Variants in HSP90AA1 observed in about 807,000 individuals in gnomAD.
The protein encoded by HSP90AA1 is heat shock protein 90 alpha family class A member 1, also known as heat shock protein HSP 90-alpha.
In HSP90AA1, 18 loss-of-function variants were observed where a neutral mutation model predicts 73.3. The ratio of observed to expected loss-of-function variants is 0.25; its 90% CI spans 0.17 to 0.36. The LOEUF (loss-of-function observed/expected upper bound fraction) is 0.36, where lower values mean the gene tolerates loss of function less well. Ranked by LOEUF, HSP90AA1 falls within the 10% of genes least tolerant of loss-of-function variation. The pLI is 1.00. For synonymous variants in HSP90AA1, 477 were observed against 296.9 expected (o/e 1.61, Z -6.24); for missense variants, 704 against 874.2 (o/e 0.81, Z 2.45).
upstream of HSP90AA1, chr14:102,087,247 G>A: frequency 2.5e-6 from 2 of 811,162 alleles, no homozygotes; most frequent in Non-Finnish European, 3.0e-6. Context: ...GCCCGGCCCG[G>A]GCAACCTTCC....
chr14:102,103,574 G>A (rs554131391), intron 1 of HSP90AA1, among the ~76,000 whole-genome samples: 2 of 151,618 alleles, frequency 1.3e-5, no homozygotes, highest in African/African-American at 2.4e-5. Flanking sequence ...GAGGCCGAGG[G>A]GGGTGGATCA....
intron 1 of HSP90AA1, among the ~76,000 whole-genome samples, chr14:102,116,628 C>T (rs972968236): frequency 8.5e-5 from 13 of 152,226 alleles, no homozygotes; most frequent in African/African-American, 3.1e-4. Flanking sequence ...CTCTAGCCTA[C>T]TGCCACTGCG....
intron 1 of HSP90AA1, among the ~76,000 whole-genome samples, chr14:102,109,402 G>A (rs117351884): frequency 8.5e-5 from 13 of 152,234 alleles, no homozygotes; most frequent in South Asian, 2.1e-4. Context: ...GGAGGTAACC[G>A]AATCATGGAG....
chr14:102,085,405 C>G lies in HSP90AA1; in HGVS notation c.556G>C (p.Val186Leu). ...TGEPMGRGTKVILHLKEDQTE... is the reference protein window; with the variant it reads ...TGEPMGRGTKLILHLKEDQTE... The stretch of plus-strand genomic sequence containing the variant: ...TGGTCTTCTTTCAGGTGTAGGATAA[C>G]TTTTGTTCCACGACCCATAGGTTCA... The change falls in exon 4 of 11, where the codon GTT (valine) becomes CTT (leucine). Residue 186 changes from valine (V) to leucine (L), a missense_variant. Coordinates refer to ENST00000216281, the MANE Select transcript of HSP90AA1 (RefSeq NM_005348.4). 6.2e-7 allele frequency: 1 copy of G among 1,613,742 alleles called. No homozygotes were observed.
At chr14:102,099,746 T>C (rs2049469653) in intron 2 of HSP90AA1, among the ~76,000 whole-genome samples, 1 of 152,222 alleles carries the variant, frequency 6.6e-6, no homozygotes, top group South Asian at 2.1e-4. Flanking sequence ...GGACGCTTCA[T>C]GCTTGCTTCT....
At position 102,085,762 on chromosome 14, in the gene HSP90AA1, GTCTGTCC is replaced by G; in HGVS notation, c.518_524del (p.Arg173ThrfsTer16). 1 of 1,613,980 alleles carries G rather than the reference GTCTGTCC, an allele frequency of 6.2e-7. No individual in the cohort carries two copies. The highest frequency in any genetic ancestry group is 8.5e-7 in the Non-Finnish European group (1 of 1,179,870). ...AGTGAATGTTCAGGTGCCTACCTGTGTCTGTCCTCACTGTGAATGATCCCCCTGCTGA... is the reference window on the plus strand; with the variant it reads ...AGTGAATGTTCAGGTGCCTACCTGTGTCACTGTGAATGATCCCCCTGCTGA... On this transcript the variant is annotated frameshift_variant, in exon 3 of 11. Coordinates refer to ENST00000216281, the MANE Select transcript of HSP90AA1 (RefSeq NM_005348.4). LOFTEE classifies it high-confidence loss of function.
rs745418872 is a variant in HSP90AA1, at chr14:102,084,509, C to T, written c.1037G>A (p.Arg346His). The T allele has an allele frequency of 6.2e-7, 1 of 1,614,148 alleles. No homozygotes were observed. Among genetic ancestry groups the T allele is most frequent in the East Asian group, 2.2e-5 (1 of 44,882 alleles). The change falls in exon 6 of 11, where the codon CGT becomes CAT. Residue 346 changes from arginine (R) to histidine (H), a missense_variant. By Grantham distance (29) the Arg-to-His change is conservative (BLOSUM62 0). Coordinates refer to ENST00000216281, the MANE Select transcript of HSP90AA1 (RefSeq NM_005348.4). ...EFRALLFVPR[R>H]APFDLFENRK... ...GTTTTCAAACAGATCAAAAGGAGCA[C>T]GTCGTGGGACAAATAGAAGGGCTCT...
In HSP90AA1 at chr14:102,083,252, T is replaced by C. The variant is rs377253279; in HGVS notation, c.1537A>G (p.Lys513Glu). The C allele has an allele frequency of 1.2e-5, 20 of 1,614,072 alleles. No homozygotes were observed. The highest frequency in any genetic ancestry group is 1.7e-5 in the Admixed American group (1 of 60,000). Residue 513 changes from lysine to glutamate, a missense_variant, in exon 9 of 11, where the codon AAA (lysine) becomes GAA (glutamate). Lys to Glu is a moderately conservative substitution (Grantham distance 56). Coordinates refer to ENST00000216281, the MANE Select transcript of HSP90AA1 (RefSeq NM_005348.4). ...ATATAGATCACTTCTAAGCCATGTTTCCGAAGACGTTCCACAAAGGCTGAG... is the reference window on the plus strand; with the variant it reads ...ATATAGATCACTTCTAAGCCATGTTCCCGAAGACGTTCCACAAAGGCTGAG... ...ANSAFVERLR[K>E]HGLEVIYMIE... is the part of the protein sequence containing the mutation.
At chr14:102,128,323 C>A (rs1380245564) in intron 1 of HSP90AA1, among the ~76,000 whole-genome samples, 1 of 151,932 alleles carries the variant, frequency 6.6e-6, no homozygotes, top group Non-Finnish European at 1.5e-5. Context: ...GAAACCCCGT[C>A]TCTACCCAAA....
intron 3 of HSP90AA1, 81 bp from the exon 4 acceptor site, chr14:102,085,512 T>C: frequency 7.1e-7 from 1 of 1,409,300 alleles, no homozygotes; most frequent in Non-Finnish European, 1.0e-6. Context: ...ATAACGTGTC[T>C]ATAAAGCAAG....
At chr14:102,097,705 G>C (rs2049443451) in intron 2 of HSP90AA1, among the ~76,000 whole-genome samples, 1 of 152,142 alleles carries the variant, frequency 6.6e-6, no homozygotes, top group African/African-American at 2.4e-5. Context: ...GTTCCTGCCT[G>C]GTAGGGGAGC....
intron 1 of HSP90AA1, 44 bp downstream of exon 1, chr14:102,086,942 C>A: frequency 1.0e-6 from 1 of 966,148 alleles, no homozygotes; most frequent in South Asian, 4.8e-5. Flanking sequence ...CCCCCAGTCC[C>A]GGTCCCCAGT....
exon 2 of HSP90AA1, chr14:102,102,006 G>A (rs1167637778): frequency 5.6e-6 from 9 of 1,614,042 alleles, no homozygotes; most frequent in Non-Finnish European, 7.6e-6. Context: ...CAGAGACAGA[G>A]TAGAGTGGTG....
chr14:102,113,244 G>A (rs549764578), intron 1 of HSP90AA1, among the ~76,000 whole-genome samples: 9 of 151,912 alleles, frequency 5.9e-5, no homozygotes, highest in East Asian at 1.9e-4. Context: ...GGCTGGTCTC[G>A]AACTCCTGAC....
chr14:102,133,532 G>A (rs1049574992), intron 1 of HSP90AA1, among the ~76,000 whole-genome samples: 21 of 143,860 alleles, frequency 1.5e-4, no homozygotes, highest in African/African-American at 5.4e-4. Flanking sequence ...TGCCCAGGCT[G>A]GAGTGCAATG....
At chr14:102,082,823 T>C in intron 9 of HSP90AA1, 2 of 590,288 alleles carry the variant, frequency 3.4e-6, no homozygotes, top group Middle Eastern at 9.5e-4. Context: ...AGTTTCACCG[T>C]GTTAGCCAGG....
rs766186969 is a variant in HSP90AA1 at position 102,083,994 on chromosome 14, T to C, written c.1148-11A>G. 7.0e-5 allele frequency: 112 copies of C among 1,604,770 alleles called. No homozygotes were observed. Among genetic ancestry groups the C allele is most frequent in the Non-Finnish European group, 9.0e-5 (106 of 1,171,734 alleles). On this transcript the variant is annotated splice_polypyrimidine_tract_variant and intron_variant, in intron 6 of 10. Coordinates refer to ENST00000216281, the MANE Select transcript of HSP90AA1 (RefSeq NM_005348.4). The stretch of plus-strand genomic sequence containing the variant: ...CCCCTCTAATGAAGTCTGAAAAAAA[T>C]ATAAACCAAATGCACTGAGTCATTC...
intron 2 of HSP90AA1, among the ~76,000 whole-genome samples, chr14:102,094,789 TAGG>T (rs1269587915): frequency 2.0e-5 from 3 of 152,018 alleles, no homozygotes. Flanking sequence ...CTGGAGATCA[TAGG>T]AGGCATTGTG....
chr14:102,085,268 A>C, intron 4 of HSP90AA1, 30 bp downstream of exon 4: 2 of 1,604,370 alleles, frequency 1.2e-6, no homozygotes, highest in Non-Finnish European at 1.7e-6. Flanking sequence ...TACAGACAGA[A>C]ATTCACTCTG....
Sources: allele counts gnomAD v4.1 joint callset (sites outside exome capture counted in the v4.1 genomes callset), GRCh38; gene constraint gnomAD v4.1.1; transcripts MANE v1.5; gene names NCBI Gene and HGNC (gene_info 2026-07-23, HGNC 2026-07-21).